CTNNA2: variants seen among roughly 807,000 people sequenced by gnomAD.
CTNNA2 encodes catenin alpha-2.
Under a neutral mutation model 101.0 loss-of-function variants are expected in CTNNA2, and 42 were observed. The ratio of observed to expected loss-of-function variants is 0.42; its 90% CI spans 0.32 to 0.54. The LOEUF is 0.54. CTNNA2 is among the 20% of genes least tolerant of loss of function. The probability of loss-of-function intolerance (pLI) is 0.14; values close to 1 mark genes in which losing one functional copy is unlikely to be tolerated. For synonymous variants in CTNNA2, 450 were observed against 456.4 expected (o/e 0.99, Z 0.18); for missense variants, 871 against 1,223.1 (o/e 0.71, Z 4.29).
At chr2:80,231,810 G>A (rs780358657) in intron 7 of CTNNA2, among the ~76,000 whole-genome samples, 2 of 152,160 alleles carry the variant, frequency 1.3e-5, no homozygotes, top group African/African-American at 2.4e-5. Context: ...CTGCACAGCT[G>A]TCTCTTATGG....
intron 7 of CTNNA2, among the ~76,000 whole-genome samples, chr2:79,940,834 T>C (rs1367111867): frequency 6.6e-6 from 1 of 152,224 alleles, no homozygotes; most frequent in Non-Finnish European, 1.5e-5. Context: ...ATGTAATTTA[T>C]TGAATATCGC....
intron 9 of CTNNA2, among the ~76,000 whole-genome samples, chr2:80,513,496 C>G (rs1332771236): frequency 6.6e-6 from 1 of 152,196 alleles, no homozygotes; most frequent in African/African-American, 2.4e-5. Context: ...TCACTTTCCT[C>G]AAGAGAGAAT....
At chr2:80,593,056 A>G (rs1696648476) in intron 15 of CTNNA2, among the ~76,000 whole-genome samples, 1 of 152,172 alleles carries the variant, frequency 6.6e-6, no homozygotes. Flanking sequence ...ATATAAGTAG[A>G]GATAATTATA....
intron 2 of CTNNA2, among the ~76,000 whole-genome samples, chr2:79,230,618 C>T (rs1674477460): frequency 6.6e-6 from 1 of 152,176 alleles, no homozygotes; most frequent in Admixed American, 6.5e-5. Context: ...ACTGGGGCAC[C>T]ATCTAGTGGA....
chr2:80,457,182 G>A (rs1684052177), intron 9 of CTNNA2, among the ~76,000 whole-genome samples: 1 of 151,762 alleles, frequency 6.6e-6, no homozygotes, highest in African/African-American at 2.4e-5. Context: ...TTCTGCCTCA[G>A]CCTCCCGAGT....
rs147399693 is a variant in CTNNA2, at chr2:79,312,796, G to T, written c.-318G>T. On this transcript the variant is annotated splice_region_variant and 5_prime_UTR_variant, in exon 3 of 22. Coordinates refer to the CTNNA2 transcript ENST00000466387. Reference sequence around the variant, plus strand: ...AATCACACAGCAATCTCATCAAAAAGGTAAGAAAACAAGGGTATGTTTTAT... The same window carrying T: ...AATCACACAGCAATCTCATCAAAAATGTAAGAAAACAAGGGTATGTTTTAT... 8.0e-4 allele frequency: 122 copies of T among 152,190 alleles called. 1 individual carries two copies. The highest frequency in any genetic ancestry group is 2.8e-3 in the African/African-American group (118 of 41,540). 9.4% of individuals were successfully genotyped at this position (152,190 alleles called of 1,614,324 possible).
chr2:79,199,526 C>A (rs1359296411), intron 2 of CTNNA2, among the ~76,000 whole-genome samples: 1 of 151,650 alleles, frequency 6.6e-6, no homozygotes, highest in Non-Finnish European at 1.5e-5. Context: ...TTTTTTGGTT[C>A]TTTTCTCCCT....
At chr2:79,738,803 A>G (rs975822156) in intron 2 of CTNNA2, among the ~76,000 whole-genome samples, 3 of 152,346 alleles carry the variant, frequency 2.0e-5, no homozygotes, top group African/African-American at 7.2e-5. Flanking sequence ...AATGAATGGA[A>G]AGAGAAACGG....
At chr2:80,281,138 A>G (rs1674348099) in intron 7 of CTNNA2, among the ~76,000 whole-genome samples, 1 of 152,168 alleles carries the variant, frequency 6.6e-6, no homozygotes, top group East Asian at 1.9e-4. Context: ...TGAGATCCCC[A>G]GGGTGACCAG....
chr2:80,114,812 T>C (rs1290376244), intron 7 of CTNNA2, among the ~76,000 whole-genome samples: 1 of 152,160 alleles, frequency 6.6e-6, no homozygotes, highest in Non-Finnish European at 1.5e-5. Context: ...TGTCTGAAGA[T>C]ATCCTCACAA....
At chr2:80,275,471 AT>A (rs931460055) in intron 7 of CTNNA2, among the ~76,000 whole-genome samples, 2 of 152,280 alleles carry the variant, frequency 1.3e-5, no homozygotes, top group East Asian at 1.9e-4. Flanking sequence ...TTGAATGATG[AT>A]TTTTTTATTA....
At chr2:80,424,233 C>A (rs952027709) in intron 9 of CTNNA2, among the ~76,000 whole-genome samples, 1 of 152,118 alleles carries the variant, frequency 6.6e-6, no homozygotes. Flanking sequence ...GGATTACAGG[C>A]GTGAGCCACC....
chr2:79,568,388 G>A (rs1675246706), intron 1 of CTNNA2, among the ~76,000 whole-genome samples: 1 of 151,964 alleles, frequency 6.6e-6, no homozygotes, highest in Non-Finnish European at 1.5e-5. Context: ...GATCACCAGA[G>A]GTCAGGAGTT....
chr2:79,570,263 T>A (rs148088565), intron 1 of CTNNA2, among the ~76,000 whole-genome samples: 537 of 152,276 alleles, frequency 3.5e-3, no homozygotes, highest in African/African-American at 0.012. Context: ...TTGCAGCCAG[T>A]TTTCTCTCTG....
At chr2:79,892,316 T>C (rs1297144770) in intron 6 of CTNNA2, among the ~76,000 whole-genome samples, 2 of 152,154 alleles carry the variant, frequency 1.3e-5, no homozygotes, top group Non-Finnish European at 2.9e-5. Context: ...TCTGCAAATA[T>C]TGACTTTAGA....
intron 7 of CTNNA2, among the ~76,000 whole-genome samples, chr2:80,319,434 G>A (rs1298144094): frequency 6.6e-6 from 1 of 152,146 alleles, no homozygotes; most frequent in East Asian, 1.9e-4. Flanking sequence ...ACATAATATG[G>A]CGAACAGTAT....
intron 7 of CTNNA2, among the ~76,000 whole-genome samples, chr2:80,147,762 C>T (rs929332645): frequency 6.6e-6 from 1 of 152,148 alleles, no homozygotes; most frequent in African/African-American, 2.4e-5. Context: ...GACTTCTCAG[C>T]CCCTACCTCC....
chr2:79,967,207 C>G (rs61285018), intron 7 of CTNNA2, among the ~76,000 whole-genome samples: 38,079 of 151,740 alleles, frequency 0.25, 5,696 homozygotes, highest in African/African-American at 0.43. Context: ...TATGTGTAAA[C>G]TAGAATCATT....
At chr2:79,978,699 AACT>A (rs2104600477) in intron 7 of CTNNA2, among the ~76,000 whole-genome samples, 1 of 152,290 alleles carries the variant, frequency 6.6e-6, no homozygotes, top group African/African-American at 2.4e-5. Flanking sequence ...AAGAGCCACC[AACT>A]ACTGATGAGG....
Sources: gnomAD v4.1 joint callset for allele counts (sites outside exome capture counted in the v4.1 genomes callset) on GRCh38, gnomAD v4.1.1 for gene constraint, MANE v1.5 for transcripts, NCBI Gene and HGNC (gene_info 2026-07-23, HGNC 2026-07-21) for gene names.